The following TMEM132C variants were observed in gnomAD, a reference collection of about 807,000 sequenced individuals.
The protein encoded by TMEM132C is protein phosphatase 1, regulatory subunit 152.
Under a neutral mutation model 61.4 loss-of-function variants are expected in TMEM132C, and 29 were observed. The ratio of observed to expected loss-of-function variants is 0.47; its 90% CI spans 0.35 to 0.64. The LOEUF (loss-of-function observed/expected upper bound fraction) is 0.64, where lower values mean the gene tolerates loss of function less well. TMEM132C is among the 30% of genes least tolerant of loss of function. TMEM132C has a pLI of 0.00. For missense variants in TMEM132C, 1,408 were observed against 1,476.9 expected (o/e 0.95, Z 0.76); for synonymous variants, 656 against 633.1 (o/e 1.04, Z -0.54).
intron 2 of TMEM132C, among the ~76,000 whole-genome samples, chr12:128,530,912 A>G (rs1223723710): frequency 2.0e-5 from 3 of 152,232 alleles, no homozygotes; most frequent in Non-Finnish European, 2.9e-5. Context: ...TTTATGACTT[A>G]TATTTGAATA....
intron 2 of TMEM132C, among the ~76,000 whole-genome samples, chr12:128,433,222 T>G (rs1869455819): frequency 6.6e-6 from 1 of 152,226 alleles, no homozygotes; most frequent in Non-Finnish European, 1.5e-5. Flanking sequence ...CTCACTTTAT[T>G]GTGATATTCA....
rs929972299 is a variant in TMEM132C at position 128,267,180 on chromosome 12, C to G, written c.-223C>G. Among the ~76,000 whole-genome samples the G allele has an allele frequency of 6.8e-6, 1 of 146,612 alleles. No homozygotes were observed. The highest frequency in any genetic ancestry group is 6.8e-5 in the Admixed American group (1 of 14,768). The stretch of plus-strand genomic sequence containing the variant: ...GCGGAGGCTGCGGGAGAAAAGTTGT[C>G]CCGGCCGGAGCGCGAGCAGCGGCGG... On this transcript the variant is annotated 5_prime_UTR_variant, in exon 1 of 9. Transcript: ENST00000435159.
intron 4 of TMEM132C, among the ~76,000 whole-genome samples, chr12:128,625,725 G>A (rs1416070993): frequency 2.0e-5 from 3 of 152,162 alleles, no homozygotes; most frequent in African/African-American, 7.2e-5. Context: ...ACCAATTATG[G>A]GAACTACAAT....
chr12:128,385,918 G>A (rs73436641), intron 1 of TMEM132C, among the ~76,000 whole-genome samples: 9,803 of 152,034 alleles, frequency 0.064, 982 homozygotes, highest in African/African-American at 0.22. Flanking sequence ...CTCCCAAGCC[G>A]GCTGCCTACT....
At chr12:128,296,283 G>A (rs1397014939) in intron 1 of TMEM132C, among the ~76,000 whole-genome samples, 1 of 152,172 alleles carries the variant, frequency 6.6e-6, no homozygotes, top group Non-Finnish European at 1.5e-5. Flanking sequence ...TAAATGGTAA[G>A]GAAACATATT....
chr12:128,501,064 G>A (rs1009193815), intron 2 of TMEM132C, among the ~76,000 whole-genome samples: 2 of 152,130 alleles, frequency 1.3e-5, no homozygotes, highest in African/African-American at 2.4e-5. Context: ...AACATGCTAC[G>A]TGCAATAAGC....
chr12:128,303,963 C>A (rs918743312), intron 1 of TMEM132C, among the ~76,000 whole-genome samples: 5 of 152,024 alleles, frequency 3.3e-5, no homozygotes, highest in Non-Finnish European at 1.5e-5. Context: ...GAAGGCCATT[C>A]TTGACCAACG....
chr12:128,677,089 G>A (rs1426680957), intron 5 of TMEM132C, among the ~76,000 whole-genome samples: 2 of 152,194 alleles, frequency 1.3e-5, no homozygotes, highest in Non-Finnish European at 2.9e-5. Flanking sequence ...CGCTTGCAAT[G>A]CCCAAGTGTC....
In TMEM132C at chr12:128,414,850, C is replaced by T; in HGVS notation, c.204C>T (p.Asn68=). ...CCTCCTTCTTCCTCAAGGAAGCCAA[C>T]CAGGACCTGCTGCGGAACTCCAGCC... is the stretch of plus-strand genomic sequence containing the variant. ...AETSFFLKEA[N]QDLLRNSSLQ... Residue 68 remains asparagine, a synonymous_variant, in exon 2 of 9, where the codon AAC becomes AAT. Transcript: ENST00000435159. 1 of 1,550,102 alleles carries T rather than the reference C, an allele frequency of 6.5e-7. No homozygotes were observed. The highest frequency in any genetic ancestry group is 1.2e-5 in the South Asian group (1 of 84,064).
chr12:128,342,721 G>C (rs1267940796), intron 1 of TMEM132C, among the ~76,000 whole-genome samples: 2 of 152,228 alleles, frequency 1.3e-5, no homozygotes, highest in African/African-American at 4.8e-5. Context: ...GGAGGGCAGA[G>C]AAGGAATTCT....
At chr12:128,359,847 G>A (rs554479784) in intron 1 of TMEM132C, among the ~76,000 whole-genome samples, 1 of 152,276 alleles carries the variant, frequency 6.6e-6, no homozygotes, top group Admixed American at 6.5e-5. Flanking sequence ...AAAGATAGCG[G>A]CTAATTAGTC....
intron 1 of TMEM132C, among the ~76,000 whole-genome samples, chr12:128,332,402 G>T (rs1872687319): frequency 1.3e-5 from 2 of 152,118 alleles, no homozygotes; most frequent in Non-Finnish European, 2.9e-5. Context: ...TCAGTTTTCT[G>T]TCTTCTGTTT....
intron 3 of TMEM132C, among the ~76,000 whole-genome samples, chr12:128,609,548 G>A (rs1467766291): frequency 4.6e-5 from 7 of 151,958 alleles, no homozygotes; most frequent in South Asian, 2.1e-4. Flanking sequence ...ATGAGCCACC[G>A]TGCACAGCCT....
chr12:128,647,406 G>T (rs1472430762), intron 4 of TMEM132C, among the ~76,000 whole-genome samples: 1 of 151,804 alleles, frequency 6.6e-6, no homozygotes, highest in African/African-American at 2.4e-5. Context: ...GATCCCATCA[G>T]CATTGGATGA....
intron 2 of TMEM132C, among the ~76,000 whole-genome samples, chr12:128,453,955 T>C (rs923192369): frequency 6.7e-6 from 1 of 150,274 alleles, no homozygotes; most frequent in African/African-American, 2.4e-5. Context: ...GTGAAGGAGA[T>C]GTGTGGAGAC....
chr12:128,461,001 A>T (rs577411143), intron 2 of TMEM132C, among the ~76,000 whole-genome samples: 139 of 152,254 alleles, frequency 9.1e-4, no homozygotes, highest in Non-Finnish European at 1.7e-3. Flanking sequence ...AAAGCCTGGG[A>T]CTTCTTTGTG....
Position 128,700,244 on chromosome 12 carries a change from A to G in TMEM132C, c.2121+2829A>G, listed in dbSNP as rs149544210. 4.5e-4 allele frequency among the ~76,000 whole-genome samples: 68 copies of G among 152,270 alleles called. No individual in the cohort carries two copies. In the East Asian group the frequency reaches 0.011, roughly 26 times the overall value. ...TCTGATTTGCAGACACGACTCTTGA[A>G]AGGATAGAGCTCTAAATCATTTCTG... On this transcript the variant is annotated intron_variant, in intron 8 of 8. Transcript: ENST00000435159.
chr12:128,518,495 A>G (rs919261328), intron 2 of TMEM132C, among the ~76,000 whole-genome samples: 13 of 152,238 alleles, frequency 8.5e-5, no homozygotes, highest in Admixed American at 4.6e-4. Context: ...CCCGGACAAC[A>G]GAACGGGACC....
intron 2 of TMEM132C, among the ~76,000 whole-genome samples, chr12:128,447,360 G>A (rs1384341778): frequency 1.3e-5 from 2 of 152,138 alleles, no homozygotes; most frequent in African/African-American, 4.8e-5. Context: ...ACAGGCAAGA[G>A]GTAATTCCCT....
Sources: allele counts gnomAD v4.1 joint callset (sites outside exome capture counted in the v4.1 genomes callset), GRCh38; gene constraint gnomAD v4.1.1; transcripts MANE v1.5; gene names NCBI Gene and HGNC (gene_info 2026-07-23, HGNC 2026-07-21).